The following MAGI1 variants were observed in gnomAD, a reference collection of about 807,000 sequenced individuals.
MAGI1 encodes membrane-associated guanylate kinase, WW and PDZ domain-containing protein 1.
A neutral mutation model predicts 139.9 loss-of-function variants in MAGI1; 58 were observed. The observed-to-expected ratio is 0.41, with a 90% confidence interval of 0.34 to 0.52. MAGI1 has a LOEUF of 0.52. MAGI1 is among the 20% of genes least tolerant of loss of function. The pLI is 0.12. For missense variants in MAGI1, 1,874 were observed against 1,901.6 expected (o/e 0.99, Z 0.27); for synonymous variants, 812 against 737.9 (o/e 1.10, Z -1.63).
chr3:65,669,062 G>C (rs1032049498), intron 1 of MAGI1, among the ~76,000 whole-genome samples: 3 of 151,716 alleles, frequency 2.0e-5, no homozygotes, highest in Non-Finnish European at 4.4e-5. Flanking sequence ...TCAGCCTCCT[G>C]AGTAGCTGGG....
At chr3:65,360,905 TACAA>T (rs1442152674) in intron 22 of MAGI1, 23 of 1,360,224 alleles carry the variant, frequency 1.7e-5, no homozygotes, top group Middle Eastern at 2.8e-4. Flanking sequence ...TTTGGCACAG[TACAA>T]ACAAACATTC....
chr3:65,788,186 A>G (rs1448653309), intron 1 of MAGI1, among the ~76,000 whole-genome samples: 1 of 152,260 alleles, frequency 6.6e-6, no homozygotes, highest in East Asian at 1.9e-4. Flanking sequence ...GGGCAGGACT[A>G]GCAAGTCACA....
chr3:65,399,440 C>T (rs766783426), intron 13 of MAGI1, among the ~76,000 whole-genome samples: 3 of 152,118 alleles, frequency 2.0e-5, no homozygotes, highest in East Asian at 1.9e-4. Context: ...AGCCCTTGGC[C>T]GACAGCTCCC....
At chr3:65,822,461 G>A (rs1422558177) in intron 1 of MAGI1, among the ~76,000 whole-genome samples, 1 of 152,150 alleles carries the variant, frequency 6.6e-6, no homozygotes, top group Non-Finnish European at 1.5e-5. Context: ...CCAGGAGGCG[G>A]AGGTCGCAGT....
At chr3:65,566,863 C>T (rs966449658) in intron 2 of MAGI1, among the ~76,000 whole-genome samples, 5 of 150,460 alleles carry the variant, frequency 3.3e-5, no homozygotes, top group African/African-American at 1.2e-4. Context: ...TCCCAAAGTG[C>T]TGGGATTATA....
chr3:65,925,563 C>T (rs1301299475), intron 1 of MAGI1, among the ~76,000 whole-genome samples: 1 of 152,186 alleles, frequency 6.6e-6, no homozygotes, highest in African/African-American at 2.4e-5. Flanking sequence ...TTTCTATAAC[C>T]TAGAACACTA....
At chr3:65,684,134 G>A (rs904627525) in intron 1 of MAGI1, among the ~76,000 whole-genome samples, 2 of 142,558 alleles carry the variant, frequency 1.4e-5, no homozygotes, top group African/African-American at 2.6e-5. Flanking sequence ...TGATCATGCC[G>A]CTGGATTCCA....
rs879706037 is a variant in MAGI1 at position 65,930,210 on chromosome 3, G to A, written c.313+107786C>T. Among the ~76,000 whole-genome samples, 165 of 150,830 alleles carry A rather than the reference G, an allele frequency of 1.1e-3. 2 individuals are homozygous for A. The highest frequency in any genetic ancestry group is 1.9e-3 in the Non-Finnish European group (131 of 67,738). ...GGGCGCCTGTAGTCCCGGCTACTCAGGGGGCTGAGGCAGGAGAATGACGTG... is the reference window on the plus strand; with the variant it reads ...GGGCGCCTGTAGTCCCGGCTACTCAAGGGGCTGAGGCAGGAGAATGACGTG... On this transcript the variant is annotated intron_variant, in intron 1 of 22. Transcript: ENST00000402939.
intron 12 of MAGI1, among the ~76,000 whole-genome samples, chr3:65,424,027 T>G (rs1238322647): frequency 6.6e-6 from 1 of 152,206 alleles, no homozygotes; most frequent in Non-Finnish European, 1.5e-5. Context: ...ATCCAACCCA[T>G]CATCACATTG....
intron 1 of MAGI1, among the ~76,000 whole-genome samples, chr3:65,684,845 G>A (rs1168040279): frequency 2.0e-5 from 3 of 149,128 alleles, no homozygotes; most frequent in African/African-American, 7.5e-5. Context: ...GAGACCACAG[G>A]TGCAAGCCAC....
chr3:65,879,975 A>T (rs952555140), intron 1 of MAGI1, among the ~76,000 whole-genome samples: 15 of 152,210 alleles, frequency 9.9e-5, no homozygotes, highest in Non-Finnish European at 1.3e-4. Flanking sequence ...CTGTGTGATT[A>T]AAAAGTTGGG....
intron 1 of MAGI1, among the ~76,000 whole-genome samples, chr3:65,963,517 G>A (rs2064571417): frequency 6.6e-6 from 1 of 152,108 alleles, no homozygotes. Context: ...TCAGGAAGCT[G>A]AGGCAGGAGA....
intron 1 of MAGI1, among the ~76,000 whole-genome samples, chr3:65,676,885 T>TCTGTATGTTGTATG (rs2087227914): frequency 6.6e-6 from 1 of 152,156 alleles, no homozygotes; most frequent in Non-Finnish European, 1.5e-5. Context: ...ATATCCCAGT[T>TCTGTATGTTGTATG]TGCTCCCCAC....
At chr3:65,840,746 TTTTTG>T (rs1210335261) in intron 1 of MAGI1, among the ~76,000 whole-genome samples, 15 of 152,180 alleles carry the variant, frequency 9.9e-5, no homozygotes, top group African/African-American at 3.6e-4. Flanking sequence ...GTTTGTTTTG[TTTTTG>T]TTTTTAGTAT....
intron 1 of MAGI1, among the ~76,000 whole-genome samples, chr3:66,028,400 T>C (rs1272016715): frequency 1.3e-5 from 2 of 152,194 alleles, no homozygotes; most frequent in African/African-American, 4.8e-5. Context: ...CATTCTCATT[T>C]TCAACTGGGA....
intron 1 of MAGI1, among the ~76,000 whole-genome samples, chr3:65,808,976 G>GA (rs2041048763): frequency 6.6e-6 from 1 of 152,142 alleles, no homozygotes; most frequent in Non-Finnish European, 1.5e-5. Flanking sequence ...TTTACGCTGG[G>GA]AAAATGAGAG....
intron 5 of MAGI1, 79 bp from the exon 6 acceptor site, chr3:65,453,419 A>G: frequency 9.9e-7 from 1 of 1,008,062 alleles, no homozygotes; most frequent in Non-Finnish European, 1.5e-6. Flanking sequence ...GGAATTACAC[A>G]CTCTTGAATA....
chr3:65,815,236 G>T (rs1018805179), intron 1 of MAGI1, among the ~76,000 whole-genome samples: 2 of 152,208 alleles, frequency 1.3e-5, no homozygotes, highest in Non-Finnish European at 2.9e-5. Flanking sequence ...ATCTGGGAAT[G>T]AAATATCTGT....
intron 4 of MAGI1, among the ~76,000 whole-genome samples, chr3:65,475,590 A>G (rs183831822): frequency 6.6e-6 from 1 of 152,198 alleles, no homozygotes; most frequent in Non-Finnish European, 1.5e-5. Context: ...TTTGGCCAAC[A>G]GTCTAACTCT....
Sources: allele counts gnomAD v4.1 joint callset (sites outside exome capture counted in the v4.1 genomes callset), GRCh38; gene constraint gnomAD v4.1.1; transcripts MANE v1.5; gene names NCBI Gene and HGNC (gene_info 2026-07-23, HGNC 2026-07-21).